The following MRPS28 variants were observed in gnomAD, a reference collection of about 807,000 sequenced individuals.
The protein encoded by MRPS28 is small ribosomal subunit protein bS1m.
In MRPS28, 7 loss-of-function variants were observed where a neutral mutation model predicts 10.8. That is an observed-to-expected ratio of 0.65 (90% CI 0.37 to 1.22). The LOEUF (loss-of-function observed/expected upper bound fraction) is 1.22, where lower values mean the gene tolerates loss of function less well. Ranked by LOEUF, MRPS28 falls within the 50% of genes most tolerant of loss-of-function variation. The pLI, the probability that MRPS28 is intolerant of heterozygous loss-of-function variation, is 0.02. For missense variants in MRPS28, 265 were observed against 232.9 expected (o/e 1.14, Z -0.90); for synonymous variants, 121 against 93.3 (o/e 1.30, Z -1.71).
intron 2 of MRPS28, among the ~76,000 whole-genome samples, chr8:79,998,068 A>G (rs1808555099): frequency 6.7e-6 from 1 of 150,316 alleles, no homozygotes; most frequent in African/African-American, 2.4e-5. Context: ...AAAAAAAAAA[A>G]GAAAGAAAGA....
At position 80,030,145 on chromosome 8, in the gene MRPS28, G is replaced by A. The variant is rs750063682; in HGVS notation, c.104C>T (p.Ser35Phe). The change falls in exon 1 of 3, where the codon TCC (serine) becomes TTC (phenylalanine). Residue 35 changes from serine (S) to phenylalanine (F), a missense_variant. Physicochemically the swap from Ser to Phe is radical, Grantham distance 155. Transcript: ENST00000276585. ...PFRGVGTESG[S>F]ESGSSNAKEP... is the part of the protein sequence containing the mutation. ...CTTGGCATTGGAACTACCACTTTCG[G>A]ATCCACTCTCAGTGCCTACACCCCG... is the stretch of plus-strand genomic sequence containing the variant. 4 of 1,613,934 alleles carry A rather than the reference G, an allele frequency of 2.5e-6. No homozygotes were observed. Among genetic ancestry groups the A allele is most frequent in the African/African-American group, 1.3e-5 (1 of 74,818 alleles).
intron 2 of MRPS28, among the ~76,000 whole-genome samples, chr8:79,930,608 G>A (rs1806436440): frequency 6.6e-6 from 1 of 152,164 alleles, no homozygotes; most frequent in Admixed American, 6.5e-5. Flanking sequence ...TTTAAATCTT[G>A]AGGAGCAGGA....
At chr8:79,941,338 A>C (rs997722300) in intron 2 of MRPS28, among the ~76,000 whole-genome samples, 2 of 152,088 alleles carry the variant, frequency 1.3e-5, no homozygotes, top group African/African-American at 4.8e-5. Flanking sequence ...GTCTCCTGCT[A>C]CTCTTCCAGA....
chr8:79,978,428 T>C (rs1300701168), intron 2 of MRPS28, among the ~76,000 whole-genome samples: 2 of 152,144 alleles, frequency 1.3e-5, no homozygotes, highest in Non-Finnish European at 2.9e-5. Context: ...TGATCAGGAT[T>C]TCATCTTCAC....
At chr8:80,020,418 T>C (rs1353207229) in intron 1 of MRPS28, among the ~76,000 whole-genome samples, 1 of 152,094 alleles carries the variant, frequency 6.6e-6, no homozygotes, top group Non-Finnish European at 1.5e-5. Context: ...ATTCAGATGG[T>C]TGAGGGGGCT....
At position 80,030,021 on chromosome 8, in the gene MRPS28, C is replaced by G. The variant is rs200175486; in HGVS notation, c.213+15G>C. 30 of 1,610,808 alleles carry G rather than the reference C, an allele frequency of 1.9e-5. No individual in the cohort carries two copies. The highest frequency in any genetic ancestry group is 2.4e-5 in the Non-Finnish European group (28 of 1,178,370). On this transcript the variant is annotated intron_variant, in intron 1 of 2. Transcript: ENST00000276585. ...CGTAATTCCCGCGACTCCCTCTCAC[C>G]CGCCCGGGCTCCACCTTCTGTAGGG...
At chr8:79,942,091 G>C (rs1806784649) in intron 2 of MRPS28, among the ~76,000 whole-genome samples, 2 of 152,156 alleles carry the variant, frequency 1.3e-5, no homozygotes, top group Non-Finnish European at 2.9e-5. Context: ...GGCATGCAAA[G>C]TCTCTTACTG....
At chr8:79,977,090 G>A (rs1160033497) in intron 2 of MRPS28, among the ~76,000 whole-genome samples, 4 of 152,124 alleles carry the variant, frequency 2.6e-5, no homozygotes, top group Non-Finnish European at 5.9e-5. Context: ...TGAAAAAAAT[G>A]CTACACAATA....
At chr8:80,006,389 A>G (rs1229714266) in intron 1 of MRPS28, among the ~76,000 whole-genome samples, 1 of 152,228 alleles carries the variant, frequency 6.6e-6, no homozygotes, top group Non-Finnish European at 1.5e-5. Flanking sequence ...TACTGGGTAC[A>G]TAACAAAATG....
At chr8:79,996,855 A>AG (rs1808513661) in intron 2 of MRPS28, among the ~76,000 whole-genome samples, 1 of 152,252 alleles carries the variant, frequency 6.6e-6, no homozygotes, top group Non-Finnish European at 1.5e-5. Context: ...TGTATGATTT[A>AG]GAGTGAAGCA....
At chr8:79,936,517 T>A (rs1806608612) in intron 2 of MRPS28, among the ~76,000 whole-genome samples, 1 of 152,168 alleles carries the variant, frequency 6.6e-6, no homozygotes, top group Admixed American at 6.5e-5. Flanking sequence ...TTTTATCCAA[T>A]ACAAGTAAAA....
intron 1 of MRPS28, among the ~76,000 whole-genome samples, chr8:80,021,581 G>A (rs952772431): frequency 6.6e-6 from 1 of 152,140 alleles, no homozygotes; most frequent in African/African-American, 2.4e-5. Context: ...TCTGACTAAA[G>A]GCTAAGGTAT....
At chr8:80,020,187 T>C (rs1460509181) in intron 1 of MRPS28, among the ~76,000 whole-genome samples, 3 of 152,138 alleles carry the variant, frequency 2.0e-5, no homozygotes, top group Non-Finnish European at 4.4e-5. Flanking sequence ...CATAAGGCAT[T>C]GTGGAGAGTA....
chr8:79,995,853 T>C (rs538900466), intron 2 of MRPS28, among the ~76,000 whole-genome samples: 1 of 152,156 alleles, frequency 6.6e-6, no homozygotes, highest in African/African-American at 2.4e-5. Flanking sequence ...ATGACTGATC[T>C]CCCAAGTATA....
chr8:80,012,392 A>G (rs1191193883), intron 1 of MRPS28, among the ~76,000 whole-genome samples: 1 of 152,208 alleles, frequency 6.6e-6, no homozygotes, highest in Non-Finnish European at 1.5e-5. Context: ...TTACTTGTCA[A>G]ATGACTCCTA....
chr8:79,994,198 G>A (rs975860944), intron 2 of MRPS28, among the ~76,000 whole-genome samples: 4 of 152,108 alleles, frequency 2.6e-5, no homozygotes, highest in African/African-American at 9.7e-5. Flanking sequence ...TTAATGAAAT[G>A]AAAAGATTTG....
chr8:79,956,030 C>T (rs943033913), intron 2 of MRPS28, among the ~76,000 whole-genome samples: 3 of 152,098 alleles, frequency 2.0e-5, no homozygotes, highest in Non-Finnish European at 4.4e-5. Context: ...GTTCTCTGGA[C>T]CTTAGTTTCC....
At chr8:79,971,615 T>G (rs1187098849) in intron 2 of MRPS28, among the ~76,000 whole-genome samples, 1 of 152,250 alleles carries the variant, frequency 6.6e-6, no homozygotes, top group Non-Finnish European at 1.5e-5. Flanking sequence ...TCATACAATA[T>G]GTAGTCCTTT....
chr8:79,956,325 T>C (rs1401010883), intron 2 of MRPS28: 1 of 152,130 alleles, frequency 6.6e-6, no homozygotes, highest in Admixed American at 6.6e-5. Flanking sequence ...TTTCATCTGG[T>C]AGAATGCTAA....
Sources: gnomAD v4.1 joint callset for allele counts (sites outside exome capture counted in the v4.1 genomes callset) on GRCh38, gnomAD v4.1.1 for gene constraint, MANE v1.5 for transcripts, NCBI Gene and HGNC (gene_info 2026-07-23, HGNC 2026-07-21) for gene names.